The following CCSER1 variants were observed in gnomAD, a reference collection of about 807,000 sequenced individuals.
The protein encoded by CCSER1 is coiled-coil serine rich protein 1.
A neutral mutation model predicts 82.0 loss-of-function variants in CCSER1; 41 were observed. The ratio of observed to expected loss-of-function variants is 0.50; its 90% confidence interval spans 0.39 to 0.65. CCSER1 has a LOEUF of 0.65. Among genes scored for constraint, CCSER1 ranks in the 30% least tolerant of loss-of-function variants. The probability of loss-of-function intolerance (pLI) is 0.00; values close to 1 mark genes in which losing one functional copy is unlikely to be tolerated. For missense variants in CCSER1, 1,119 were observed against 1,064.2 expected, an observed-to-expected ratio of 1.05 and a Z score of -0.72; for synonymous variants, 414 against 383.9, an observed-to-expected ratio of 1.08 and a Z score of -0.92.
intron 10 of CCSER1, among the ~76,000 whole-genome samples, chr4:91,401,311 T>C (rs1752303572): frequency 1.3e-5 from 2 of 148,484 alleles, no homozygotes; most frequent in South Asian, 2.1e-4. Flanking sequence ...TACTATACAA[T>C]ATAGATATAC....
chr4:90,359,774 T>G (rs1320583899), intron 3 of CCSER1, among the ~76,000 whole-genome samples: 1 of 151,540 alleles, frequency 6.6e-6, no homozygotes, highest in Non-Finnish European at 1.5e-5. Flanking sequence ...TAAATCAGTC[T>G]TATCTATGGT....
chr4:91,366,715 AC>A (rs1249161503), intron 10 of CCSER1, among the ~76,000 whole-genome samples: 2 of 152,164 alleles, frequency 1.3e-5, no homozygotes, highest in East Asian at 3.9e-4. Flanking sequence ...ATCTTATTGA[AC>A]TTGCATTTGC....
intron 10 of CCSER1, among the ~76,000 whole-genome samples, chr4:91,450,354 G>A (rs113069247): frequency 6.6e-6 from 1 of 151,984 alleles, no homozygotes; most frequent in Non-Finnish European, 1.5e-5. Flanking sequence ...AAAACCTCAG[G>A]AAGTACTTAC....
At chr4:91,169,934 G>A (rs1446763401) in intron 10 of CCSER1, among the ~76,000 whole-genome samples, 1 of 152,114 alleles carries the variant, frequency 6.6e-6, no homozygotes, top group Non-Finnish European at 1.5e-5. Flanking sequence ...CTTTCAATTA[G>A]TGTTGGATTT....
chr4:90,282,007 T>C (rs1175382268), intron 1 of CCSER1, among the ~76,000 whole-genome samples: 1 of 152,046 alleles, frequency 6.6e-6, no homozygotes, highest in Non-Finnish European at 1.5e-5. Context: ...AAAAAGGCAC[T>C]AAGGATGACT....
intron 10 of CCSER1, among the ~76,000 whole-genome samples, chr4:91,475,327 CT>C (rs1757531564): frequency 6.6e-6 from 1 of 151,814 alleles, no homozygotes. Context: ...AAGAAATGCT[CT>C]TACTTCACTT....
chr4:90,785,000 T>C (rs1310932038), intron 7 of CCSER1, among the ~76,000 whole-genome samples: 3 of 152,122 alleles, frequency 2.0e-5, no homozygotes. Context: ...TTGGCCTTGC[T>C]TTCTCAGGGG....
At chr4:91,265,017 G>A (rs1741467744) in intron 10 of CCSER1, among the ~76,000 whole-genome samples, 2 of 151,950 alleles carry the variant, frequency 1.3e-5, no homozygotes, top group African/African-American at 4.8e-5. Context: ...CATTCATTGT[G>A]TATAAAGAAT....
intron 1 of CCSER1, among the ~76,000 whole-genome samples, chr4:90,302,537 A>G (rs964632217): frequency 6.6e-6 from 1 of 152,202 alleles, no homozygotes; most frequent in Non-Finnish European, 1.5e-5. Context: ...GCAGTGGCTC[A>G]TGCCTGTACT....
intron 7 of CCSER1, among the ~76,000 whole-genome samples, chr4:90,787,160 A>G (rs1430504757): frequency 6.6e-6 from 1 of 152,128 alleles, no homozygotes; most frequent in Admixed American, 6.5e-5. Context: ...GTTCTCTTGG[A>G]TTTTTATGGA....
intron 4 of CCSER1, among the ~76,000 whole-genome samples, chr4:90,456,772 G>T (rs1762220952): frequency 6.6e-6 from 1 of 152,166 alleles, no homozygotes; most frequent in African/African-American, 2.4e-5. Context: ...GGAGTTTAGG[G>T]ATTCCCCAAA....
intron 10 of CCSER1, among the ~76,000 whole-genome samples, chr4:91,269,835 A>T (rs527874369): frequency 6.6e-6 from 1 of 152,296 alleles, no homozygotes; most frequent in Non-Finnish European, 1.5e-5. Flanking sequence ...ACCCCTTTAG[A>T]TTCCAATTGT....
intron 6 of CCSER1, among the ~76,000 whole-genome samples, chr4:90,662,000 C>CTTTT (rs768964116): frequency 2.2e-5 from 3 of 136,182 alleles, no homozygotes; most frequent in African/African-American, 5.3e-5. Context: ...TTCTTTCTTT[C>CTTTT]TTTTTTTTTT....
At chr4:90,465,004 G>T (rs1450800610) in intron 4 of CCSER1, among the ~76,000 whole-genome samples, 1 of 152,128 alleles carries the variant, frequency 6.6e-6, no homozygotes, top group Non-Finnish European at 1.5e-5. Context: ...TCGCCCTGTG[G>T]CCAGGCTAGA....
intron 1 of CCSER1, among the ~76,000 whole-genome samples, chr4:90,246,000 A>G (rs1721340428): frequency 6.6e-6 from 1 of 152,230 alleles, no homozygotes; most frequent in South Asian, 2.1e-4. Flanking sequence ...ATATTCAGTC[A>G]TCCTGAAATA....
chr4:91,272,459 G>A (rs1484308900), intron 10 of CCSER1, among the ~76,000 whole-genome samples: 1 of 151,726 alleles, frequency 6.6e-6, no homozygotes, highest in Non-Finnish European at 1.5e-5. Flanking sequence ...TTTTTTTCTT[G>A]CTAATAAGTT....
At chr4:91,413,049 A>G (rs1753153301) in intron 10 of CCSER1, among the ~76,000 whole-genome samples, 1 of 152,190 alleles carries the variant, frequency 6.6e-6, no homozygotes, top group African/African-American at 2.4e-5. Flanking sequence ...AAAGAAACCC[A>G]AACAGAAATC....
intron 10 of CCSER1, among the ~76,000 whole-genome samples, chr4:91,291,587 G>A (rs1361175469): frequency 6.6e-6 from 1 of 151,942 alleles, no homozygotes; most frequent in Non-Finnish European, 1.5e-5. Context: ...AGAGAGAGAA[G>A]GGAGGTGCCA....
chr4:90,732,265 C>A (rs1178574158), intron 7 of CCSER1, among the ~76,000 whole-genome samples: 2 of 152,160 alleles, frequency 1.3e-5, no homozygotes, highest in African/African-American at 4.8e-5. Context: ...AGCTTCACCT[C>A]CACATTGTTC....
Sources: allele counts gnomAD v4.1 joint callset (sites outside exome capture counted in the v4.1 genomes callset), GRCh38; gene constraint gnomAD v4.1.1; transcripts MANE v1.5; gene names NCBI Gene and HGNC (gene_info 2026-07-23, HGNC 2026-07-21).